The following LRRC4C variants were observed in gnomAD, a reference collection of about 807,000 sequenced individuals.
LRRC4C encodes leucine-rich repeat-containing protein 4C.
LRRC4C carries 5 observed loss-of-function variants against 33.6 expected under a neutral mutation model. That is an observed-to-expected ratio of 0.15 (90% CI 0.08 to 0.31). The LOEUF is 0.31. Ranked by LOEUF, LRRC4C falls within the 10% of genes least tolerant of loss-of-function variation. LRRC4C has a pLI of 1.00. For synonymous variants in LRRC4C, 329 were observed against 302.0 expected, an observed-to-expected ratio of 1.09 and a Z score of -0.93; for missense variants, 560 against 796.7, an observed-to-expected ratio of 0.70 and a Z score of 3.58.
chr11:40,318,781 T>C (rs1396341077), intron 4 of LRRC4C, among the ~76,000 whole-genome samples: 1 of 152,182 alleles, frequency 6.6e-6, no homozygotes, highest in Non-Finnish European at 1.5e-5. Context: ...CTATCTGCAA[T>C]GGGTTTTTAT....
intron 1 of LRRC4C, among the ~76,000 whole-genome samples, chr11:41,398,928 C>T (rs1188320800): frequency 6.6e-6 from 1 of 151,868 alleles, no homozygotes; most frequent in Non-Finnish European, 1.5e-5. Flanking sequence ...TGTCTATTTA[C>T]CTTGTAAGGC....
chr11:41,237,015 G>A (rs949023188), intron 1 of LRRC4C, among the ~76,000 whole-genome samples: 1 of 152,176 alleles, frequency 6.6e-6, no homozygotes, highest in South Asian at 2.1e-4. Flanking sequence ...AACTATATAC[G>A]TTGAGGTATA....
chr11:40,538,383 T>C (rs980457876), intron 3 of LRRC4C, among the ~76,000 whole-genome samples: 3 of 152,018 alleles, frequency 2.0e-5, no homozygotes, highest in Non-Finnish European at 4.4e-5. Flanking sequence ...ATATGCAGTG[T>C]TTGGTTTTCT....
At chr11:40,798,482 C>T in intron 2 of LRRC4C, among the ~76,000 whole-genome samples, 1 of 152,010 alleles carries the variant, frequency 6.6e-6, no homozygotes, top group East Asian at 1.9e-4. Context: ...CTTTTAAAAA[C>T]CATCTTTCTC....
intron 3 of LRRC4C, among the ~76,000 whole-genome samples, chr11:40,345,680 C>T (rs1399878161): frequency 6.6e-6 from 1 of 152,050 alleles, no homozygotes; most frequent in African/African-American, 2.4e-5. Context: ...AATTGCAACA[C>T]AACCAAAAAT....
intron 1 of LRRC4C, among the ~76,000 whole-genome samples, chr11:41,097,334 C>G (rs1475365614): frequency 2.6e-5 from 4 of 152,098 alleles, no homozygotes; most frequent in Non-Finnish European, 5.9e-5. Context: ...CTCTGGATGC[C>G]TAAATGCCAA....
intron 1 of LRRC4C, among the ~76,000 whole-genome samples, chr11:41,447,531 G>T (rs1955862562): frequency 6.6e-6 from 1 of 152,180 alleles, no homozygotes; most frequent in Non-Finnish European, 1.5e-5. Context: ...TGTCCCCAAA[G>T]TAAGTTCATT....
intron 4 of LRRC4C, among the ~76,000 whole-genome samples, chr11:40,306,889 A>G (rs1945059034): frequency 6.6e-6 from 1 of 151,476 alleles, no homozygotes; most frequent in South Asian, 2.1e-4. Context: ...GATCTCGATT[A>G]CTCATCTATA....
intron 2 of LRRC4C, among the ~76,000 whole-genome samples, chr11:40,653,843 A>C (rs1284215987): frequency 6.6e-6 from 1 of 152,170 alleles, no homozygotes; most frequent in Non-Finnish European, 1.5e-5. Flanking sequence ...AGAAGCCTAG[A>C]AGAAAAAACT....
intron 2 of LRRC4C, among the ~76,000 whole-genome samples, chr11:40,735,557 A>G (rs370389506): frequency 1.4e-5 from 2 of 143,782 alleles, no homozygotes; most frequent in Non-Finnish European, 3.1e-5. Flanking sequence ...CCAGTCTATC[A>G]TTGTTGGACA....
At chr11:40,491,504 T>G (rs1482752005) in intron 3 of LRRC4C, among the ~76,000 whole-genome samples, 1 of 152,156 alleles carries the variant, frequency 6.6e-6, no homozygotes, top group East Asian at 1.9e-4. Flanking sequence ...GGGGTTCTCT[T>G]TCAATTTCAC....
chr11:40,202,559 G>T (rs1862844297), intron 5 of LRRC4C, among the ~76,000 whole-genome samples: 1 of 152,124 alleles, frequency 6.6e-6, no homozygotes, highest in Admixed American at 6.5e-5. Context: ...AAGCTTAGAG[G>T]TCCCAAATTC....
At chr11:41,103,033 T>C (rs1941287902) in intron 1 of LRRC4C, among the ~76,000 whole-genome samples, 1 of 151,932 alleles carries the variant, frequency 6.6e-6, no homozygotes, top group African/African-American at 2.4e-5. Context: ...AGATATACTA[T>C]TCTAACATAA....
intron 1 of LRRC4C, among the ~76,000 whole-genome samples, chr11:40,951,581 T>C (rs1459525892): frequency 6.6e-6 from 1 of 152,012 alleles, no homozygotes; most frequent in Admixed American, 6.6e-5. Context: ...AAAATTAATA[T>C]GTTGGCACTT....
At chr11:40,288,261 CA>C (rs1317203059) in intron 4 of LRRC4C, among the ~76,000 whole-genome samples, 2 of 152,038 alleles carry the variant, frequency 1.3e-5, no homozygotes, top group Non-Finnish European at 2.9e-5. Context: ...AGGAAGCATG[CA>C]AAAAAGTAAA....
intron 1 of LRRC4C, among the ~76,000 whole-genome samples, chr11:41,034,480 T>A (rs965727292): frequency 2.8e-4 from 41 of 146,786 alleles, no homozygotes; most frequent in African/African-American, 8.2e-4. Flanking sequence ...TGTGTGTATA[T>A]ATATATATAC....
chr11:40,968,094 C>A (rs1851481755), intron 1 of LRRC4C, among the ~76,000 whole-genome samples: 1 of 152,014 alleles, frequency 6.6e-6, no homozygotes, highest in South Asian at 2.1e-4. Context: ...AGTGCCACTT[C>A]AGTAAACATA....
chr11:40,975,724 A>G (rs1053298477), intron 1 of LRRC4C, among the ~76,000 whole-genome samples: 1 of 152,154 alleles, frequency 6.6e-6, no homozygotes, highest in Admixed American at 6.5e-5. Flanking sequence ...CATCATCTCC[A>G]TTTTACTTAT....
At chr11:40,907,818 C>T (rs1338326846) in intron 2 of LRRC4C, among the ~76,000 whole-genome samples, 4 of 152,136 alleles carry the variant, frequency 2.6e-5, no homozygotes, top group East Asian at 1.9e-4. Context: ...CGCTTAAAAG[C>T]GTAACTTGTT....
Sources: gnomAD v4.1 joint callset for allele counts (sites outside exome capture counted in the v4.1 genomes callset) on GRCh38, gnomAD v4.1.1 for gene constraint, MANE v1.5 for transcripts, NCBI Gene and HGNC (gene_info 2026-07-23, HGNC 2026-07-21) for gene names.